The following CNTN4 variants were observed in gnomAD, a reference collection of about 807,000 sequenced individuals.
The protein encoded by CNTN4 is contactin 4.
Under a neutral mutation model 122.5 loss-of-function variants are expected in CNTN4, and 77 were observed. That is an observed-to-expected ratio of 0.63 (90% CI 0.52 to 0.76). The LOEUF (loss-of-function observed/expected upper bound fraction) is 0.76. Ranked by LOEUF, CNTN4 falls within the 30% of genes least tolerant of loss-of-function variation. The probability of loss-of-function intolerance (pLI) is 0.00; values close to 1 mark genes in which losing one functional copy is unlikely to be tolerated. For missense variants in CNTN4, 1,256 were observed against 1,259.1 expected, an observed-to-expected ratio of 1.00 and a Z score of 0.04; for synonymous variants, 512 against 447.0, an observed-to-expected ratio of 1.15 and a Z score of -1.83.
intron 3 of CNTN4, among the ~76,000 whole-genome samples, chr3:2,403,380 AT>A (rs959179725): frequency 1.3e-5 from 2 of 151,882 alleles, no homozygotes; most frequent in South Asian, 2.1e-4. Flanking sequence ...GGAACATAAC[AT>A]TTTTTTTGTC....
chr3:2,241,097 A>G (rs1282746689), intron 2 of CNTN4, among the ~76,000 whole-genome samples: 1 of 152,204 alleles, frequency 6.6e-6, no homozygotes, highest in East Asian at 1.9e-4. Flanking sequence ...AAATCAGTAT[A>G]AACAAATTTT....
At position 2,810,141 on chromosome 3, in the gene CNTN4, G is replaced by A. The variant is rs1404452690; in HGVS notation, c.359-9345G>A. 2.0e-5 allele frequency among the ~76,000 whole-genome samples: 3 copies of A among 152,208 alleles called. 1 individual carries two copies. Among genetic ancestry groups the A allele is most frequent in the East Asian group, 3.9e-4 (2 of 5,178 alleles). On this transcript the variant is annotated intron_variant, in intron 6 of 24. Transcript: ENST00000418658. ...TTATATATAGGGACTTCTGGGTCGG[G>A]AAAATCCGGATTCTAATCTAAGCTC...
chr3:3,054,616 C>T, intron 24 of CNTN4, among the ~76,000 whole-genome samples: 1 of 151,930 alleles, frequency 6.6e-6, no homozygotes, highest in African/African-American at 2.4e-5. Flanking sequence ...TGTGTGTGAT[C>T]TCATTTATTT....
At chr3:2,502,866 A>G (rs542806170) in intron 3 of CNTN4, among the ~76,000 whole-genome samples, 102 of 152,268 alleles carry the variant, frequency 6.7e-4, no homozygotes, top group African/African-American at 2.4e-3. Context: ...TGCTTTTATT[A>G]TGATTATTCC....
intron 3 of CNTN4, among the ~76,000 whole-genome samples, chr3:2,534,129 T>G (rs1247189397): frequency 2.0e-5 from 3 of 152,178 alleles, no homozygotes; most frequent in Admixed American, 1.3e-4. Flanking sequence ...ATTTGCCAAT[T>G]TTGGCTTTTG....
At chr3:2,876,052 C>A (rs1183483246) in intron 8 of CNTN4, among the ~76,000 whole-genome samples, 1 of 152,174 alleles carries the variant, frequency 6.6e-6, no homozygotes, top group Admixed American at 6.6e-5. Flanking sequence ...GAAGGTGGTG[C>A]AGGTTTGATT....
intron 2 of CNTN4, among the ~76,000 whole-genome samples, chr3:2,226,325 A>G (rs1317814308): frequency 6.6e-6 from 1 of 152,132 alleles, no homozygotes; most frequent in Non-Finnish European, 1.5e-5. Context: ...TGGGCTCCGT[A>G]AGAATCTTAT....
intron 3 of CNTN4, among the ~76,000 whole-genome samples, chr3:2,414,490 T>C (rs149207706): frequency 2.0e-5 from 3 of 152,330 alleles, no homozygotes; most frequent in African/African-American, 7.2e-5. Flanking sequence ...AAAATGTTAA[T>C]TGTGTAGTTA....
intron 3 of CNTN4, among the ~76,000 whole-genome samples, chr3:2,356,429 C>T (rs1162441675): frequency 6.6e-6 from 1 of 152,112 alleles, no homozygotes; most frequent in Non-Finnish European, 1.5e-5. Context: ...GGGTAACTTC[C>T]TGATGCCATG....
intron 6 of CNTN4, among the ~76,000 whole-genome samples, chr3:2,760,277 A>G (rs878869849): frequency 1.3e-5 from 2 of 152,134 alleles, no homozygotes; most frequent in Admixed American, 6.5e-5. Context: ...ACTTACTCCT[A>G]TGTTTTCTTC....
At chr3:2,815,424 G>T (rs1468027611) in intron 6 of CNTN4, among the ~76,000 whole-genome samples, 1 of 152,094 alleles carries the variant, frequency 6.6e-6, no homozygotes, top group Non-Finnish European at 1.5e-5. Context: ...TCAAAAAAGT[G>T]GACTAAGGAC....
chr3:2,510,178 C>T (rs1232091459), intron 3 of CNTN4, among the ~76,000 whole-genome samples: 1 of 152,166 alleles, frequency 6.6e-6, no homozygotes, highest in African/African-American at 2.4e-5. Context: ...AAAAGCATGA[C>T]TTTATTTCAC....
intron 4 of CNTN4, among the ~76,000 whole-genome samples, chr3:2,593,187 G>A (rs1251491371): frequency 6.6e-6 from 1 of 152,180 alleles, no homozygotes; most frequent in Non-Finnish European, 1.5e-5. Context: ...TATGTAACAA[G>A]CATAATATTA....
At chr3:2,999,464 C>T (rs13060035) in intron 14 of CNTN4, among the ~76,000 whole-genome samples, 28,337 of 152,014 alleles carry the variant, frequency 0.19, 3,247 homozygotes, top group Admixed American at 0.29. Context: ...AACTTGTGAA[C>T]AATAGCAGCT....
chr3:2,867,221 C>A (rs2093734249), intron 8 of CNTN4, among the ~76,000 whole-genome samples: 1 of 152,144 alleles, frequency 6.6e-6, no homozygotes, highest in African/African-American at 2.4e-5. Flanking sequence ...GAAGGTATTT[C>A]TTGTTTCTCT....
intron 3 of CNTN4, among the ~76,000 whole-genome samples, chr3:2,499,988 G>A (rs2076553115): frequency 6.6e-6 from 1 of 151,916 alleles, no homozygotes; most frequent in South Asian, 2.1e-4. Context: ...ATTTCCTTTG[G>A]AATGATTTTA....
intron 6 of CNTN4, among the ~76,000 whole-genome samples, chr3:2,770,479 G>C (rs1382230030): frequency 6.6e-6 from 1 of 152,222 alleles, no homozygotes; most frequent in Non-Finnish European, 1.5e-5. Flanking sequence ...GAGAGGAAGT[G>C]CATTGTTATA....
intron 2 of CNTN4, among the ~76,000 whole-genome samples, chr3:2,227,316 A>G (rs1029532548): frequency 2.6e-5 from 4 of 152,214 alleles, no homozygotes; most frequent in African/African-American, 9.6e-5. Context: ...CTAGGTAAAT[A>G]GTTCCAAACT....
intron 3 of CNTN4, among the ~76,000 whole-genome samples, chr3:2,438,285 C>T (rs1259858848): frequency 4.6e-5 from 7 of 152,106 alleles, no homozygotes; most frequent in East Asian, 1.9e-4. Context: ...TTTGGGAGGC[C>T]GAGGCAGGCG....
Sources: allele counts gnomAD v4.1 joint callset (sites outside exome capture counted in the v4.1 genomes callset), GRCh38; gene constraint gnomAD v4.1.1; transcripts MANE v1.5; gene names NCBI Gene and HGNC (gene_info 2026-07-23, HGNC 2026-07-21).